The following ARHGAP12 variants were observed in gnomAD, a reference collection of about 807,000 sequenced individuals.
ARHGAP12 encodes the protein Rho GTPase activating protein 12.
A neutral mutation model predicts 108.6 loss-of-function variants in ARHGAP12; 64 were observed. The observed-to-expected ratio is 0.59, with a 90% CI of 0.48 to 0.73. The LOEUF is 0.73. Ranked by LOEUF, ARHGAP12 falls within the 30% of genes least tolerant of loss-of-function variation. ARHGAP12 has a pLI of 0.00. For synonymous variants in ARHGAP12, 312 were observed against 337.2 expected (o/e 0.93, Z 0.82); for missense variants, 940 against 1,005.9 (o/e 0.93, Z 0.89).
chr10:31,918,760 C>T (rs959054958), intron 1 of ARHGAP12, among the ~76,000 whole-genome samples: 11 of 152,162 alleles, frequency 7.2e-5, no homozygotes, highest in Non-Finnish European at 8.8e-5. Context: ...TGTGGAGAAA[C>T]TAAAACTCTT....
At chr10:31,881,352 A>C (rs1837949527) in intron 3 of ARHGAP12, among the ~76,000 whole-genome samples, 2 of 152,192 alleles carry the variant, frequency 1.3e-5, no homozygotes, top group Admixed American at 1.3e-4. Context: ...ACAGACACAT[A>C]AGAGGCCAAC....
chr10:31,898,074 T>C (rs558189830), intron 3 of ARHGAP12, among the ~76,000 whole-genome samples: 5 of 152,204 alleles, frequency 3.3e-5, no homozygotes, highest in Admixed American at 2.0e-4. Flanking sequence ...CAGTGAGCCA[T>C]GATCGCACCA....
Position 31,887,158 on chromosome 10 carries a change from G to C in ARHGAP12, c.684+21014C>G, listed in dbSNP as rs531334844. On this transcript the variant is annotated intron_variant, in intron 3 of 19. Coordinates refer to ENST00000344936, the MANE Select transcript of ARHGAP12 (RefSeq NM_018287.7). ...GCAAATCTACAATCTGCAGGGTAGA[G>C]GGGCAGGATGAAGATCCAGGGAAGT... Among the ~76,000 whole-genome samples, 36 of 152,302 alleles carry C rather than the reference G, an allele frequency of 2.4e-4. 1 individual carries two copies. In the South Asian group the frequency reaches 7.0e-3, roughly 30 times the overall value.
Position 31,806,240 on chromosome 10 carries a change from AC to A in ARHGAP12, c.*1417del, listed in dbSNP as rs1834819837. 1 of 152,296 alleles carries A rather than the reference AC, an allele frequency of 6.6e-6. No individual in the cohort carries two copies. The highest frequency in any genetic ancestry group is 2.1e-4 in the South Asian group (1 of 4,822). The allele number at this position is 152,296 out of a possible 1,614,324, so 9.4% of individuals were successfully genotyped here. The stretch of plus-strand genomic sequence containing the variant: ...AGTTGATTTTTAAAAATGAGGTATA[AC>A]AGTATGCCAGTAAATGAAAAAACAA... On this transcript the variant is annotated 3_prime_UTR_variant, in exon 20 of 20. Coordinates refer to ENST00000344936, the MANE Select transcript of ARHGAP12 (RefSeq NM_018287.7).
chr10:31,886,993 G>A (rs1306631302), intron 3 of ARHGAP12, among the ~76,000 whole-genome samples: 2 of 152,184 alleles, frequency 1.3e-5, no homozygotes. Flanking sequence ...CTGTGTATTA[G>A]TCAAGAGTTC....
intron 3 of ARHGAP12, among the ~76,000 whole-genome samples, chr10:31,883,721 T>C (rs940039742): frequency 6.6e-6 from 1 of 151,928 alleles, no homozygotes; most frequent in Non-Finnish European, 1.5e-5. Flanking sequence ...TACTTTTTTT[T>C]TTTTTTTTGA....
At chr10:31,908,133 G>A in intron 3 of ARHGAP12, 39 bp downstream of exon 3, 2 of 1,495,784 alleles carry the variant, frequency 1.3e-6, no homozygotes. Context: ...ATTTTCACTA[G>A]GGTGGTACAG....
chr10:31,896,853 T>G (rs932202646), intron 3 of ARHGAP12, among the ~76,000 whole-genome samples: 1 of 152,142 alleles, frequency 6.6e-6, no homozygotes, highest in Non-Finnish European at 1.5e-5. Flanking sequence ...CTAGGACCCA[T>G]TACAGAACCA....
chr10:31,889,619 GTTTTTTTTT>G (rs869116452), intron 3 of ARHGAP12, among the ~76,000 whole-genome samples: 22 of 66,448 alleles, frequency 3.3e-4, no homozygotes, highest in African/African-American at 1.1e-3. Context: ...AATTTTTCTC[GTTTTTTTTT>G]TTTTTTTTTT....
intron 3 of ARHGAP12, among the ~76,000 whole-genome samples, chr10:31,877,212 C>T (rs868103381): frequency 6.6e-6 from 1 of 152,174 alleles, no homozygotes; most frequent in Non-Finnish European, 1.5e-5. Context: ...AGCATAAAGA[C>T]GCCTGGTTCC....
chr10:31,921,423 A>G (rs1300623907), intron 1 of ARHGAP12, among the ~76,000 whole-genome samples: 1 of 152,214 alleles, frequency 6.6e-6, no homozygotes, highest in Non-Finnish European at 1.5e-5. Flanking sequence ...TCTCACATCA[A>G]TGACATAAGC....
chr10:31,833,124 G>T (rs575536188), intron 9 of ARHGAP12, among the ~76,000 whole-genome samples: 2 of 151,710 alleles, frequency 1.3e-5, no homozygotes, highest in African/African-American at 4.8e-5. Flanking sequence ...CAAGGCAGCT[G>T]CATAAGATGT....
rs1485164062 is a variant in ARHGAP12 at position 31,839,153 on chromosome 10, C to G, written c.1386+152G>C. ...ATCAGAGTTAAGACAGGTATCTTAA[C>G]AGAAGTCACATGGAGGTTTTCCAGT... On this transcript the variant is annotated intron_variant, in intron 9 of 19. Transcript: ENST00000344936. The G allele has an allele frequency of 7.1e-6, 5 of 701,640 alleles. No individual in the cohort carries two copies. The East Asian group carries it at 1.4e-4, about 20-fold the overall frequency. The allele number at this position is 701,640 out of a possible 1,614,324, so 43.5% of individuals were successfully genotyped here.
chr10:31,882,492 C>A (rs920461219), intron 3 of ARHGAP12, among the ~76,000 whole-genome samples: 1 of 152,040 alleles, frequency 6.6e-6, no homozygotes, highest in African/African-American at 2.4e-5. Context: ...GAGAGTGGAA[C>A]AAAATGCACA....
At chr10:31,826,021 C>T (rs750054575) in intron 11 of ARHGAP12, among the ~76,000 whole-genome samples, 37 of 152,090 alleles carry the variant, frequency 2.4e-4, no homozygotes, top group Non-Finnish European at 4.4e-4. Flanking sequence ...GAAAATGAAT[C>T]AAGAAATGTA....
chr10:31,839,042 A>C (rs900470883), intron 9 of ARHGAP12, among the ~76,000 whole-genome samples: 1 of 151,990 alleles, frequency 6.6e-6, no homozygotes, highest in African/African-American at 2.4e-5. Flanking sequence ...ACGAAAAAAA[A>C]CCCAGAAGCC....
intron 3 of ARHGAP12, among the ~76,000 whole-genome samples, chr10:31,883,114 G>T (rs931321845): frequency 9.9e-5 from 15 of 151,960 alleles, no homozygotes; most frequent in Non-Finnish European, 2.2e-4. Flanking sequence ...TGATCAACAT[G>T]GAGAAACCCC....
At chr10:31,890,382 C>T (rs1037116887) in intron 3 of ARHGAP12, among the ~76,000 whole-genome samples, 11 of 152,102 alleles carry the variant, frequency 7.2e-5, no homozygotes, top group African/African-American at 1.4e-4. Context: ...AAAAATATTA[C>T]GTTATAAATA....
Position 31,908,912 on chromosome 10 carries a change from G to A in ARHGAP12, c.-57C>T. 1.4e-6 allele frequency: 2 copies of A among 1,429,726 alleles called. No homozygotes were observed. The highest frequency in any genetic ancestry group is 1.9e-6 in the Non-Finnish European group (2 of 1,065,862). 88.6% of individuals were successfully genotyped at this position (1,429,726 alleles called of 1,614,324 possible). On this transcript the variant is annotated 5_prime_UTR_variant, in exon 3 of 20. Transcript: ENST00000344936. ...ATACCACATTATGGCTTTATGGCTT[G>A]TTGGATGAATATAGCTGTTTTATTT...
Sources: allele counts gnomAD v4.1 joint callset (sites outside exome capture counted in the v4.1 genomes callset), GRCh38; gene constraint gnomAD v4.1.1; transcripts MANE v1.5; gene names NCBI Gene and HGNC (gene_info 2026-07-23, HGNC 2026-07-21).